DLGAP2: variants seen among roughly 807,000 people sequenced by gnomAD.
DLGAP2 encodes DLG associated protein 2, also known as disks large-associated protein 2.
A neutral mutation model predicts 100.3 loss-of-function variants in DLGAP2; 26 were observed. The ratio of observed to expected loss-of-function variants is 0.26; its 90% CI spans 0.19 to 0.36. DLGAP2 has a LOEUF of 0.36. DLGAP2 is among the 10% of genes least tolerant of loss of function. The pLI, the probability that DLGAP2 is intolerant of heterozygous loss-of-function variation, is 1.00. For missense variants in DLGAP2, 1,858 were observed against 1,453.2 expected (o/e 1.28, Z -4.53); for synonymous variants, 886 against 630.1 (o/e 1.41, Z -6.08).
chr8:1,421,923 GC>G (rs1280662714), intron 3 of DLGAP2, among the ~76,000 whole-genome samples: 7 of 152,126 alleles, frequency 4.6e-5, no homozygotes, highest in Admixed American at 2.0e-4. Context: ...CCGTGATCAT[GC>G]CATTGCACTC....
chr8:865,689 C>A (rs189475736), intron 1 of DLGAP2, among the ~76,000 whole-genome samples: 1 of 152,302 alleles, frequency 6.6e-6, no homozygotes, highest in East Asian at 1.9e-4. Context: ...GGCCACTCGC[C>A]CTCACAACGT....
chr8:1,696,240 C>T (rs762127061), intron 13 of DLGAP2, among the ~76,000 whole-genome samples: 1 of 152,146 alleles, frequency 6.6e-6, no homozygotes. Context: ...GGTGGCTCAC[C>T]CTGTAATCCC....
chr8:1,078,617 G>T (rs1020470820), intron 2 of DLGAP2, among the ~76,000 whole-genome samples: 10 of 152,224 alleles, frequency 6.6e-5, no homozygotes, highest in African/African-American at 2.2e-4. Flanking sequence ...TGTCTTCATA[G>T]TTTTTTCTTT....
Position 1,588,738 on chromosome 8 carries a change from TAAAAAAAAAAA to T in DLGAP2, c.1442+22858_1442+22868del, listed in dbSNP as rs11358700. Among the ~76,000 whole-genome samples the T allele has an allele frequency of 1.1e-4, 10 of 91,460 alleles. 1 individual carries two copies. The East Asian group carries it at 3.4e-3, about 31-fold the overall frequency. The allele number at this position is 91,460 out of a possible 152,430, so 60.0% of individuals were successfully genotyped here. ...CCAACATGGTGAAAGCTGTCTTTAC[TAAAAAAAAAAA>T]AAAAAAAAAAAAAGGAAAAAAAATT... On this transcript the variant is annotated intron_variant, in intron 6 of 14. Transcript: ENST00000637795.
intron 2 of DLGAP2, among the ~76,000 whole-genome samples, chr8:989,817 C>A (rs887634567): frequency 2.0e-5 from 3 of 152,196 alleles, no homozygotes; most frequent in Non-Finnish European, 2.9e-5. Flanking sequence ...CTGCTAATGA[C>A]TGGCTATGTG....
intron 2 of DLGAP2, among the ~76,000 whole-genome samples, chr8:910,906 C>G (rs1024871939): frequency 2.0e-5 from 3 of 152,074 alleles, no homozygotes; most frequent in African/African-American, 7.2e-5. Flanking sequence ...TGCGCCACCA[C>G]ATTTGGGCTG....
intron 2 of DLGAP2, among the ~76,000 whole-genome samples, chr8:1,237,371 TGTCTGTTTCTCTCACATGGCGC>T: frequency 1.1e-5 from 1 of 93,620 alleles, no homozygotes; most frequent in African/African-American, 5.3e-5. Flanking sequence ...CATGGCGCCG[TGTCTGTTTCTCTCACATGGCGC>T]CGTGTCTAGT....
chr8:787,351 G>A (rs1388068099), intron 1 of DLGAP2, among the ~76,000 whole-genome samples: 1 of 152,188 alleles, frequency 6.6e-6, no homozygotes, highest in Non-Finnish European at 1.5e-5. Flanking sequence ...CCATGTTGTA[G>A]CAATCATATA....
At chr8:1,463,360 C>T (rs1798514684) in intron 3 of DLGAP2, among the ~76,000 whole-genome samples, 2 of 152,354 alleles carry the variant, frequency 1.3e-5, no homozygotes, top group South Asian at 4.1e-4. Context: ...TTACGTGTGT[C>T]ATAAAATACA....
chr8:1,131,357 G>A lies in DLGAP2; in HGVS notation c.74-127494G>A, dbSNP rs150129901. On this transcript the variant is annotated intron_variant, in intron 2 of 14. Coordinates refer to ENST00000637795, the MANE Select transcript of DLGAP2 (RefSeq NM_001346810.2). ...TCTGTTCTGGATACTCCAGATCCACGTGCCGGCAGGTGGGGTTCCTGGTGG... is the reference window on the plus strand; with the variant it reads ...TCTGTTCTGGATACTCCAGATCCACATGCCGGCAGGTGGGGTTCCTGGTGG... Among the ~76,000 whole-genome samples the A allele has an allele frequency of 7.5e-3, 1,142 of 152,236 alleles. 16 individuals are homozygous for A. The highest frequency in any genetic ancestry group is 0.026 in the African/African-American group (1,088 of 41,534).
intron 3 of DLGAP2, among the ~76,000 whole-genome samples, chr8:1,365,793 C>A (rs1802095320): frequency 6.6e-6 from 1 of 152,234 alleles, no homozygotes; most frequent in East Asian, 1.9e-4. Context: ...ACGTGGGGGA[C>A]CAGAGCTGTG....
intron 3 of DLGAP2, among the ~76,000 whole-genome samples, chr8:1,485,574 C>T (rs762387452): frequency 8.5e-5 from 13 of 152,210 alleles, no homozygotes; most frequent in South Asian, 2.1e-4. Context: ...AAGATGGCGA[C>T]GCTGGTTTAT....
At chr8:1,433,978 A>C (rs1563145102) in intron 3 of DLGAP2, among the ~76,000 whole-genome samples, 1 of 152,176 alleles carries the variant, frequency 6.6e-6, no homozygotes, top group East Asian at 1.9e-4. Flanking sequence ...TGTAAATGTT[A>C]TTGGAGAGAA....
intron 2 of DLGAP2, among the ~76,000 whole-genome samples, chr8:944,054 G>T (rs1221264186): frequency 6.6e-6 from 1 of 152,236 alleles, no homozygotes; most frequent in African/African-American, 2.4e-5. Context: ...TTGGCGTAGA[G>T]ACCATTTGGT....
At chr8:1,422,685 G>A (rs1408316331) in intron 3 of DLGAP2, among the ~76,000 whole-genome samples, 1 of 152,114 alleles carries the variant, frequency 6.6e-6, no homozygotes, top group Non-Finnish European at 1.5e-5. Flanking sequence ...ACCAGGGGGT[G>A]GTACACAGCA....
At chr8:988,853 C>T (rs147033342) in intron 2 of DLGAP2, among the ~76,000 whole-genome samples, 2,064 of 152,308 alleles carry the variant, frequency 0.014, 20 homozygotes, top group Non-Finnish European at 0.022. Flanking sequence ...GGTGGCACTG[C>T]TGTCCCACAG....
intron 2 of DLGAP2, chr8:1,247,179 CCCACGTCGGTGGCTGGG>C (rs1798927232): frequency 9.1e-5 from 1 of 10,930 alleles, no homozygotes; most frequent in Non-Finnish European, 1.9e-4. Flanking sequence ...GGAGTGATGG[CCCACGTCGGTGGCTGGG>C]AAGACCTTTG....
chr8:1,232,506 C>G (rs773752923), intron 2 of DLGAP2, among the ~76,000 whole-genome samples: 2 of 152,234 alleles, frequency 1.3e-5, no homozygotes, highest in Admixed American at 1.3e-4. Flanking sequence ...CACGTCAACT[C>G]CTTTCCTCTT....
At chr8:1,522,761 C>G (rs1320336394) in intron 4 of DLGAP2, among the ~76,000 whole-genome samples, 1 of 152,066 alleles carries the variant, frequency 6.6e-6, no homozygotes, top group Admixed American at 6.6e-5. Context: ...ATTACACGCG[C>G]CAAGTGGTTC....
Sources: allele counts gnomAD v4.1 joint callset (sites outside exome capture counted in the v4.1 genomes callset), GRCh38; gene constraint gnomAD v4.1.1; transcripts MANE v1.5; gene names NCBI Gene and HGNC (gene_info 2026-07-23, HGNC 2026-07-21).